The following SH2D4B variants were observed in gnomAD, a reference collection of about 807,000 sequenced individuals.
SH2D4B encodes SH2 domain-containing protein 4B.
In SH2D4B, 45 loss-of-function variants were observed where a neutral mutation model predicts 61.5. That is an observed-to-expected ratio of 0.73 (90% confidence interval 0.58 to 0.94). The LOEUF (loss-of-function observed/expected upper bound fraction) is 0.94, where lower values mean the gene tolerates loss of function less well. Ranked by LOEUF, SH2D4B falls within the 40% of genes least tolerant of loss-of-function variation. SH2D4B has a pLI of 0.00. For missense variants in SH2D4B, 572 were observed against 574.2 expected (o/e 1.00, Z 0.04); for synonymous variants, 224 against 220.4 (o/e 1.02, Z -0.14).
At chr10:80,604,864 G>C (rs1047255897) in intron 5 of SH2D4B, among the ~76,000 whole-genome samples, 8 of 151,484 alleles carry the variant, frequency 5.3e-5, no homozygotes, top group African/African-American at 1.9e-4. Context: ...CGTGATCTCA[G>C]CCCACTGCAA....
rs1193641518 is a variant in SH2D4B, at chr10:80,585,484, T to C, written c.496-3146T>C. On this transcript the variant is annotated intron_variant, in intron 3 of 7. Coordinates refer to ENST00000646907, the MANE Select transcript of SH2D4B (RefSeq NM_001388272.1). ...TGCATGCCACCATGCCCGACTAATT[T>C]TTGTATTTCTTAGTAGAGACGGGGT... is the stretch of plus-strand genomic sequence containing the variant. 2.6e-5 allele frequency among the ~76,000 whole-genome samples: 4 copies of C among 152,212 alleles called. No individual in the cohort carries two copies. The South Asian group carries it at 8.3e-4, about 32-fold the overall frequency.
chr10:80,576,290 G>A (rs889717666), intron 3 of SH2D4B, among the ~76,000 whole-genome samples: 1 of 152,236 alleles, frequency 6.6e-6, no homozygotes, highest in African/African-American at 2.4e-5. Flanking sequence ...ACAGGCTGTG[G>A]ATGTTATTGC....
intron 1 of SH2D4B, among the ~76,000 whole-genome samples, chr10:80,547,985 G>C (rs575039740): frequency 1.1e-4 from 16 of 152,196 alleles, no homozygotes; most frequent in African/African-American, 3.9e-4. Flanking sequence ...GGTGACACAG[G>C]GCTGTCCACC....
intron 4 of SH2D4B, among the ~76,000 whole-genome samples, chr10:80,594,687 T>G (rs1312088858): frequency 6.6e-6 from 1 of 152,258 alleles, no homozygotes; most frequent in Non-Finnish European, 1.5e-5. Flanking sequence ...TTCTCTTGAA[T>G]AAATGCTCAC....
At chr10:80,541,310 T>A (rs1323733033) in intron 1 of SH2D4B, among the ~76,000 whole-genome samples, 4 of 152,222 alleles carry the variant, frequency 2.6e-5, no homozygotes, top group South Asian at 2.1e-4. Flanking sequence ...TTCTGTTATC[T>A]TGTTGTTTCT....
intron 3 of SH2D4B, among the ~76,000 whole-genome samples, chr10:80,579,266 A>T (rs1404525853): frequency 1.3e-5 from 2 of 152,168 alleles, no homozygotes; most frequent in Non-Finnish European, 2.9e-5. Flanking sequence ...TGGAAAAAAA[A>T]ATCCCAGAAT....
intron 1 of SH2D4B, among the ~76,000 whole-genome samples, chr10:80,556,610 A>G (rs1320608048): frequency 6.6e-6 from 1 of 152,196 alleles, no homozygotes; most frequent in Admixed American, 6.5e-5. Flanking sequence ...TGTTTTGTAG[A>G]TTAGATCACA....
At chr10:80,621,405 G>A (rs577208253) in intron 6 of SH2D4B, among the ~76,000 whole-genome samples, 1 of 152,310 alleles carries the variant, frequency 6.6e-6, no homozygotes, top group Admixed American at 6.5e-5. Flanking sequence ...GTTTTTATAA[G>A]TGATCTCATC....
chr10:80,575,786 A>T (rs1478074112), intron 3 of SH2D4B, among the ~76,000 whole-genome samples: 4 of 152,148 alleles, frequency 2.6e-5, no homozygotes, highest in African/African-American at 9.7e-5. Flanking sequence ...TCAAAACCTA[A>T]GAAGTTCAAC....
At chr10:80,616,043 A>G (rs1010827820) in intron 6 of SH2D4B, among the ~76,000 whole-genome samples, 3 of 152,198 alleles carry the variant, frequency 2.0e-5, no homozygotes, top group Admixed American at 1.3e-4. Flanking sequence ...TGTCACTGCT[A>G]TCACTCAGAA....
chr10:80,606,120 G>A (rs1218119813), intron 5 of SH2D4B, among the ~76,000 whole-genome samples: 1 of 152,176 alleles, frequency 6.6e-6, no homozygotes, highest in Non-Finnish European at 1.5e-5. Context: ...TGGCCTCACT[G>A]CTGTCACCTC....
chr10:80,606,643 C>T (rs774182647), intron 5 of SH2D4B, among the ~76,000 whole-genome samples: 13 of 152,252 alleles, frequency 8.5e-5, no homozygotes, highest in Admixed American at 2.6e-4. Flanking sequence ...TCACTGTGCC[C>T]GGCCTGTTAC....
chr10:80,613,158 C>G (rs1842620302), intron 6 of SH2D4B, among the ~76,000 whole-genome samples: 1 of 152,100 alleles, frequency 6.6e-6, no homozygotes, highest in South Asian at 2.1e-4. Context: ...TCTCTGGGAC[C>G]ACAGGGTTCT....
At chr10:80,564,573 G>A (rs945778678) in intron 1 of SH2D4B, among the ~76,000 whole-genome samples, 3 of 152,088 alleles carry the variant, frequency 2.0e-5, no homozygotes, top group Non-Finnish European at 2.9e-5. Flanking sequence ...GGCATCTTCC[G>A]TTTTCTACCA....
intron 6 of SH2D4B, among the ~76,000 whole-genome samples, chr10:80,625,053 G>A (rs1206073660): frequency 1.3e-5 from 2 of 151,982 alleles, no homozygotes; most frequent in Non-Finnish European, 1.5e-5. Context: ...TTATTTCTTT[G>A]CTTCATTTAT....
intron 6 of SH2D4B, among the ~76,000 whole-genome samples, chr10:80,630,124 T>A (rs1379132156): frequency 6.8e-6 from 1 of 147,180 alleles, no homozygotes; most frequent in East Asian, 2.0e-4. Flanking sequence ...GAAGGATGAT[T>A]GGTAAGTGAG....
chr10:80,569,972 G>C (rs1387773798), intron 1 of SH2D4B, among the ~76,000 whole-genome samples, 182 bp from the exon 2 acceptor site: 1 of 152,110 alleles, frequency 6.6e-6, no homozygotes, highest in Non-Finnish European at 1.5e-5. Flanking sequence ...TTTCTCCCTA[G>C]AGGAATAGAG....
chr10:80,538,592 C>A lies in SH2D4B; in HGVS notation c.184+77C>A. 8.1e-7 allele frequency: 1 copy of A among 1,231,284 alleles called. No individual in the cohort carries two copies. The highest frequency in any genetic ancestry group is 1.0e-6 in the Non-Finnish European group (1 of 954,886). The allele number at this position is 1,231,284 out of a possible 1,614,324, so 76.3% of individuals were successfully genotyped here. A position where few individuals can be genotyped will look rare whatever the true frequency, so the allele number is the denominator to read the frequency against. On this transcript the variant is annotated intron_variant, in intron 1 of 7. Transcript: ENST00000646907. This position sits in a 1 kb window ranked among gnomAD's most constrained non-coding sequence, Gnocchi z 4.8. The stretch of plus-strand genomic sequence containing the variant: ...GAAAAATTAGCAGGGCCAGGCTGTG[C>A]CCTTCTTCAAGATGGGCACTGGGGT...
chr10:80,587,676 T>C (rs1842276453), intron 3 of SH2D4B, among the ~76,000 whole-genome samples: 1 of 152,182 alleles, frequency 6.6e-6, no homozygotes, highest in Non-Finnish European at 1.5e-5. Context: ...AGGGTTACGA[T>C]TGAACCCATG....
Sources: gnomAD v4.1 joint callset for allele counts (sites outside exome capture counted in the v4.1 genomes callset) on GRCh38, gnomAD v4.1.1 for gene constraint, Gnocchi (gnomAD v3.1) non-coding constraint, MANE v1.5 for transcripts, NCBI Gene and HGNC (gene_info 2026-07-23, HGNC 2026-07-21) for gene names.